The following RALGAPA1 variants were observed in gnomAD, a reference collection of about 807,000 sequenced individuals.
The protein encoded by RALGAPA1 is Ral GTPase activating protein catalytic subunit alpha 1.
RALGAPA1 carries 52 observed loss-of-function variants against 269.6 expected under a neutral mutation model. The ratio of observed to expected loss-of-function variants is 0.19; its 90% CI spans 0.15 to 0.24. The LOEUF is 0.24. RALGAPA1 is among the 10% of genes least tolerant of loss of function. The pLI, the probability that RALGAPA1 is intolerant of heterozygous loss-of-function variation, is 1.00. For missense variants in RALGAPA1, 1,917 were observed against 3,013.9 expected (o/e 0.64, Z 8.52); for synonymous variants, 817 against 1,008.3 (o/e 0.81, Z 3.60).
At chr14:35,545,152 T>A (rs1405892178) in intron 41 of RALGAPA1, among the ~76,000 whole-genome samples, 1 of 152,218 alleles carries the variant, frequency 6.6e-6, no homozygotes, top group African/African-American at 2.4e-5. Context: ...AAAATAACTA[T>A]CTTCTAAGGA....
rs2066320397 is a variant in RALGAPA1, at chr14:35,689,751, G to T, written c.2660C>A (p.Thr887Asn). 2.0e-6 allele frequency: 3 copies of T among 1,492,970 alleles called. No individual in the cohort carries two copies. In the East Asian group the frequency reaches 7.6e-5, roughly 38 times the overall value. 92.5% of individuals were successfully genotyped at this position (1,492,970 alleles called of 1,614,324 possible). The change falls in exon 18 of 42, where the codon ACT becomes AAT. Residue 887 changes from threonine (T) to asparagine (N), a missense_variant. Transcript: ENST00000680220. ...STEASSITRS[T>N]ESHITDTHSR... The stretch of plus-strand genomic sequence containing the variant: ...ATGAGTATCAGTGATGTGGCTTTCA[G>T]TGGATCTAGTTATTGAAGAAGCCTC...
intron 37 of RALGAPA1, among the ~76,000 whole-genome samples, chr14:35,594,799 G>A (rs1467076621): frequency 2.0e-5 from 3 of 151,412 alleles, no homozygotes; most frequent in Non-Finnish European, 2.9e-5. Flanking sequence ...ACCTTTTTCT[G>A]GGCATATACT....
At chr14:35,551,244 GA>G (rs1167883470) in intron 39 of RALGAPA1, among the ~76,000 whole-genome samples, 1 of 151,674 alleles carries the variant, frequency 6.6e-6, no homozygotes, top group East Asian at 1.9e-4. Context: ...GCTCTTCTGA[GA>G]AAAAAAATAA....
At chr14:35,609,130 G>A (rs1008254081) in intron 35 of RALGAPA1, among the ~76,000 whole-genome samples, 1 of 152,092 alleles carries the variant, frequency 6.6e-6, no homozygotes, top group African/African-American at 2.4e-5. Flanking sequence ...GGGAGGCTGA[G>A]GCAGGAGAAT....
Position 35,689,613 on chromosome 14 carries a change from A to G in RALGAPA1, c.2798T>C (p.Leu933Pro). The G allele has an allele frequency of 1.6e-6, 2 of 1,245,580 alleles. No individual in the cohort carries two copies. The highest frequency in any genetic ancestry group is 2.0e-6 in the Non-Finnish European group (2 of 996,622). The allele number at this position is 1,245,580 out of a possible 1,614,324, so 77.2% of individuals were successfully genotyped here. A position where few individuals can be genotyped will look rare whatever the true frequency, so the allele number is the denominator to read the frequency against. Residue 933 changes from leucine (L) to proline (P), a missense_variant, in exon 18 of 42, where the codon CTT becomes CCT. By Grantham distance (98) the Leu-to-Pro change is moderately conservative. Around this residue, in one of 11 missense-constraint regions of RALGAPA1, gnomAD observed 615 missense variants for 790.0 expected, o/e 0.78. Transcript: ENST00000680220. ...GGAAAGAAGATCATCATCTCCTTCA[A>G]GGTCAATGTACTGGATTTGTTCAAA... ...SAFEQIQYID[L>P]EGDDDLLSTL...
chr14:35,690,147 C>T, intron 17 of RALGAPA1, 144 bp from the exon 18 acceptor site: 2 of 606,006 alleles, frequency 3.3e-6, no homozygotes, highest in Non-Finnish European at 5.3e-6. Context: ...AAATACAAAT[C>T]TGCTTTTTTA....
chr14:35,577,193 T>C (rs2057624547), intron 37 of RALGAPA1, among the ~76,000 whole-genome samples: 1 of 152,168 alleles, frequency 6.6e-6, no homozygotes, highest in South Asian at 2.1e-4. Flanking sequence ...TTAATTTCTA[T>C]AGTCTATGGC....
intron 37 of RALGAPA1, among the ~76,000 whole-genome samples, chr14:35,582,119 C>T (rs1175910526): frequency 6.6e-6 from 1 of 152,046 alleles, no homozygotes; most frequent in African/African-American, 2.4e-5. Context: ...GTAAAACAGG[C>T]ACAAAAGGAC....
chr14:35,674,863 T>C (rs1434211153), intron 22 of RALGAPA1, among the ~76,000 whole-genome samples, 154 bp from the exon 23 acceptor site: 1 of 152,118 alleles, frequency 6.6e-6, no homozygotes, highest in Non-Finnish European at 1.5e-5. Context: ...GGTCAAAACC[T>C]CACTTATTAT....
At chr14:35,650,309 T>TG (rs2062733353) in intron 31 of RALGAPA1, among the ~76,000 whole-genome samples, 1 of 151,978 alleles carries the variant, frequency 6.6e-6, no homozygotes, top group Non-Finnish European at 1.5e-5. Flanking sequence ...CGCTTGAACC[T>TG]GGGAGGCAGA....
Position 35,689,855 on chromosome 14 carries a change from G to A in RALGAPA1, c.2556C>T (p.Phe852=). ...CTGCACCTTTGGCTCGTTCAACAGT[G>A]AATGGTTCCAAGATGTCAGAAGTGC... ...SSSTSDILEP[F]TVERAKGAVP... is the part of the protein sequence containing the mutation. Residue 852 remains phenylalanine (F), a synonymous_variant, in exon 18 of 42, where the codon TTC becomes TTT. Coordinates refer to ENST00000680220, the MANE Select transcript of RALGAPA1 (RefSeq NM_001346249.2). 6.2e-7 allele frequency: 1 copy of A among 1,604,160 alleles called. No homozygotes were observed. Among genetic ancestry groups the A allele is most frequent in the Non-Finnish European group, 8.5e-7 (1 of 1,176,678 alleles).
chr14:35,676,247 T>C (rs2064936906), intron 22 of RALGAPA1: 2 of 152,108 alleles, frequency 1.3e-5, no homozygotes, highest in Admixed American at 1.3e-4. Context: ...CTCACTCTGT[T>C]ACCCAGGTTG....
intron 30 of RALGAPA1, 63 bp downstream of exon 30, chr14:35,654,304 T>C (rs1459408568): frequency 7.0e-7 from 1 of 1,437,156 alleles, no homozygotes; most frequent in African/African-American, 1.5e-5. Context: ...ATTTTACAAT[T>C]CAAAGTATCC....
rs747513858 is a variant in RALGAPA1, at chr14:35,748,598, T to C, written c.1238A>G (p.Glu413Gly). ...GAGGTATGTTACCTGACGAAATATC[T>C]CTGTCACAAAGTTTACATTACTCCT... ...SKRSNVNFVT[E>G]IFRQAFLLPI... The change falls in exon 10 of 42, where the codon GAG (glutamate) becomes GGG (glycine). Residue 413 changes from glutamate to glycine, a missense_variant. Physicochemically the swap from Glu to Gly is moderately conservative, Grantham distance 98. This residue lies in a region of RALGAPA1 where 462 missense variants were observed against 725.6 expected (regional missense o/e 0.64). Transcript: ENST00000680220. The C allele has an allele frequency of 1.2e-6, 2 of 1,607,608 alleles. No homozygotes were observed. Among genetic ancestry groups the C allele is most frequent in the South Asian group, 2.2e-5 (2 of 89,996 alleles).
At chr14:35,665,925 T>TG (rs1382578238) in intron 26 of RALGAPA1, among the ~76,000 whole-genome samples, 1 of 151,600 alleles carries the variant, frequency 6.6e-6, no homozygotes, top group South Asian at 2.1e-4. Context: ...CTTAAGGAGG[T>TG]GGGGGGCAGA....
At chr14:35,672,071 T>C (rs2064499223) in intron 25 of RALGAPA1, among the ~76,000 whole-genome samples, 1 of 152,168 alleles carries the variant, frequency 6.6e-6, no homozygotes, top group Non-Finnish European at 1.5e-5. Flanking sequence ...GTGTATTCAG[T>C]TGTATTATTC....
chr14:35,587,327 T>C (rs2058361379), intron 37 of RALGAPA1, among the ~76,000 whole-genome samples: 1 of 152,174 alleles, frequency 6.6e-6, no homozygotes, highest in South Asian at 2.1e-4. Flanking sequence ...CTCAAGGATC[T>C]AGAACTAGAA....
At position 35,718,988 on chromosome 14, in the gene RALGAPA1, C is replaced by T. The variant is rs536946818; in HGVS notation, c.2266+2700G>A. On this transcript the variant is annotated intron_variant, in intron 16 of 41. Coordinates refer to ENST00000680220, the MANE Select transcript of RALGAPA1 (RefSeq NM_001346249.2). ...CCAAGTAGCTGGCACTACGGGCATG[C>T]GCCACCACACCCAGCTAATTTTTTT... 3.3e-5 allele frequency among the ~76,000 whole-genome samples: 5 copies of T among 151,928 alleles called. No individual in the cohort carries two copies. The South Asian group carries it at 6.2e-4, about 19-fold the overall frequency.
rs71124706 is a variant in RALGAPA1 at position 35,561,226 on chromosome 14, C to CAAAA, written c.7496+9387_7496+9390dup. Among the ~76,000 whole-genome samples, 11 of 36,780 alleles carry CAAAA rather than the reference C, an allele frequency of 3.0e-4. 1 individual carries two copies. Among genetic ancestry groups the CAAAA allele is most frequent in the Admixed American group, 4.6e-4 (1 of 2,152 alleles). 24.1% of individuals were successfully genotyped at this position (36,780 alleles called of 152,430 possible). On this transcript the variant is annotated intron_variant, in intron 39 of 41. Transcript: ENST00000680220. ...TGGGGGAAACAGCAAAACTCTGTCT[C>CAAAA]AAAAAAAAAAAAAAAAAAAAAAAAA...
Sources: gnomAD v4.1 joint callset for allele counts (sites outside exome capture counted in the v4.1 genomes callset) on GRCh38, gnomAD v4.1.1 for gene constraint, gnomAD v4.1.1 regional missense constraint, MANE v1.5 for transcripts, NCBI Gene and HGNC (gene_info 2026-07-23, HGNC 2026-07-21) for gene names.